Variants in UBE2F observed in about 807,000 individuals in gnomAD.
UBE2F encodes NEDD8-conjugating enzyme UBE2F.
UBE2F carries 5 observed loss-of-function variants against 29.6 expected under a neutral mutation model. That is an observed-to-expected ratio of 0.17 (90% CI 0.09 to 0.36). The LOEUF (loss-of-function observed/expected upper bound fraction) is 0.36, where lower values mean the gene tolerates loss of function less well. Among genes scored for constraint, UBE2F ranks in the 10% least tolerant of loss-of-function variants. UBE2F has a pLI of 1.00. For synonymous variants in UBE2F, 66 were observed against 81.8 expected (o/e 0.81, Z 1.04); for missense variants, 141 against 228.5 (o/e 0.62, Z 2.47).
intron 4 of UBE2F, among the ~76,000 whole-genome samples, chr2:238,015,820 GC>G (rs2064138932): frequency 6.6e-6 from 1 of 152,122 alleles, no homozygotes; most frequent in African/African-American, 2.4e-5. Context: ...ATGCTGAAGT[GC>G]CCTCTGCTGG....
chr2:238,030,093 C>T (rs1183605411), intron 6 of UBE2F, among the ~76,000 whole-genome samples: 1 of 152,000 alleles, frequency 6.6e-6, no homozygotes, highest in Admixed American at 6.6e-5. Context: ...CTATGCCTGG[C>T]TAATTTTTAA....
chr2:238,039,150 A>G (rs821502), intron 9 of UBE2F, among the ~76,000 whole-genome samples: 127,183 of 152,248 alleles, frequency 0.84, 53,228 homozygotes, highest in East Asian at 0.97. Flanking sequence ...CAGGAGAATC[A>G]CTTGAACCCA....
chr2:237,983,531 C>T (rs1184097989), intron 2 of UBE2F, among the ~76,000 whole-genome samples: 3 of 152,172 alleles, frequency 2.0e-5, no homozygotes, highest in South Asian at 2.1e-4. Context: ...TGCAGGTCTC[C>T]TGAACCCTGA....
intron 4 of UBE2F, among the ~76,000 whole-genome samples, chr2:238,013,300 T>C (rs1436012420): frequency 6.6e-6 from 1 of 152,030 alleles, no homozygotes; most frequent in Non-Finnish European, 1.5e-5. Flanking sequence ...AAGAAATGGT[T>C]ATAGATAGGG....
At chr2:237,999,739 C>T (rs79317879) in intron 4 of UBE2F, among the ~76,000 whole-genome samples, 6 of 151,896 alleles carry the variant, frequency 4.0e-5, no homozygotes, top group East Asian at 3.9e-4. Context: ...CCCTTAGGCC[C>T]GTACCACACT....
chr2:237,973,212 A>G lies in UBE2F; in HGVS notation c.105A>G (p.Lys35=), dbSNP rs1408267634. ...CTCGGAGGGTTTCTGTGAGAGACAA[A>G]TTGCTTGTTAAAGGTAATGATCATT... ...DSTRRVSVRD[K]LLVKEVAELE... Residue 35 remains lysine (K), a synonymous_variant, in exon 2 of 10, where the codon AAA becomes AAG. Coordinates refer to ENST00000272930, the MANE Select transcript of UBE2F (RefSeq NM_080678.3). 1.9e-6 allele frequency: 3 copies of G among 1,613,664 alleles called. No individual in the cohort carries two copies. Among genetic ancestry groups the G allele is most frequent in the South Asian group, 2.2e-5 (2 of 91,076 alleles).
chr2:237,988,461 AT>A (rs1312056525), intron 3 of UBE2F, among the ~76,000 whole-genome samples: 3 of 137,008 alleles, frequency 2.2e-5, no homozygotes, highest in Non-Finnish European at 3.2e-5. Flanking sequence ...AAAAAAAAAA[AT>A]TGGATTAGCT....
intron 1 of UBE2F, among the ~76,000 whole-genome samples, chr2:237,972,801 C>T (rs1387053112): frequency 6.6e-6 from 1 of 152,044 alleles, no homozygotes; most frequent in Admixed American, 6.6e-5. Context: ...AATCCTCCTA[C>T]CTTGGCCTCC....
At chr2:237,994,373 C>T (rs551790981) in intron 3 of UBE2F, among the ~76,000 whole-genome samples, 2 of 152,048 alleles carry the variant, frequency 1.3e-5, no homozygotes, top group Non-Finnish European at 2.9e-5. Context: ...CTGGTTTTTT[C>T]GTGTTTAGTT....
At chr2:238,003,256 C>T (rs901173570) in intron 4 of UBE2F, 17 of 360,470 alleles carry the variant, frequency 4.7e-5, no homozygotes, top group South Asian at 1.0e-4. Flanking sequence ...AATTTTCTTG[C>T]GATGTAGAAT....
intron 5 of UBE2F, among the ~76,000 whole-genome samples, chr2:238,025,029 G>A (rs2064384794): frequency 6.6e-6 from 1 of 152,210 alleles, no homozygotes; most frequent in African/African-American, 2.4e-5. Flanking sequence ...CCCAGGGGGT[G>A]TGGGAGGTGA....
At chr2:238,003,428 C>G in intron 4 of UBE2F, 1 of 470,696 alleles carries the variant, frequency 2.1e-6, no homozygotes, top group South Asian at 1.5e-5. Flanking sequence ...ACCCCATCAT[C>G]TGATACAGAG....
intron 4 of UBE2F, among the ~76,000 whole-genome samples, chr2:238,014,593 A>G (rs993161289): frequency 7.2e-5 from 11 of 152,254 alleles, no homozygotes; most frequent in African/African-American, 2.7e-4. Flanking sequence ...GAGCACAGCC[A>G]CGACCAGGGT....
At chr2:237,986,253 G>C (rs975910736) in intron 2 of UBE2F, 5 of 313,238 alleles carry the variant, frequency 1.6e-5, no homozygotes, top group Admixed American at 9.1e-5. Context: ...AGGCTCAGGT[G>C]ATCCTCCCAC....
chr2:238,008,899 C>G (rs76504750), intron 4 of UBE2F, among the ~76,000 whole-genome samples: 4,024 of 152,272 alleles, frequency 0.026, 171 homozygotes, highest in African/African-American at 0.092. Flanking sequence ...CCCTCATTCC[C>G]TTTTGTAGAT....
chr2:238,006,145 C>T (rs1318731036), intron 4 of UBE2F, among the ~76,000 whole-genome samples: 3 of 152,142 alleles, frequency 2.0e-5, no homozygotes, highest in African/African-American at 7.2e-5. Flanking sequence ...GTGAGGGCAT[C>T]AGGAAGCTTA....
chr2:238,036,996 A>G (rs1000510188), intron 9 of UBE2F, among the ~76,000 whole-genome samples: 3 of 152,096 alleles, frequency 2.0e-5, no homozygotes, highest in Non-Finnish European at 4.4e-5. Context: ...GATCCTATTC[A>G]TTACTGTTTT....
At chr2:238,027,275 TAGTC>T (rs2064453672) in intron 6 of UBE2F, among the ~76,000 whole-genome samples, 1 of 152,212 alleles carries the variant, frequency 6.6e-6, no homozygotes, top group South Asian at 2.1e-4. Flanking sequence ...GGTATGTAAA[TAGTC>T]CTTACTATTC....
intron 8 of UBE2F, among the ~76,000 whole-genome samples, chr2:238,033,955 T>C (rs2064645544): frequency 6.6e-6 from 1 of 152,214 alleles, no homozygotes; most frequent in Non-Finnish European, 1.5e-5. Flanking sequence ...GAGCCAAAGC[T>C]GTGAACTCAG....
Sources: allele counts gnomAD v4.1 joint callset (sites outside exome capture counted in the v4.1 genomes callset), GRCh38; gene constraint gnomAD v4.1.1; transcripts MANE v1.5; gene names NCBI Gene and HGNC (gene_info 2026-07-23, HGNC 2026-07-21).